Variants in PLEKHG1 observed in about 807,000 individuals in gnomAD.
The protein encoded by PLEKHG1 is pleckstrin homology and RhoGEF domain containing G1.
In PLEKHG1, 44 loss-of-function variants were observed where a neutral mutation model predicts 100.8. The observed-to-expected ratio is 0.44, with a 90% CI of 0.34 to 0.56. The LOEUF is 0.56. PLEKHG1 is among the 20% of genes least tolerant of loss of function. The pLI, the probability that PLEKHG1 is intolerant of heterozygous loss-of-function variation, is 0.01. For synonymous variants in PLEKHG1, 640 were observed against 662.5 expected (o/e 0.97, Z 0.52); for missense variants, 1,545 against 1,720.9 (o/e 0.90, Z 1.81).
chr6:150,715,909 C>T (rs1347279517), intron 3 of PLEKHG1, among the ~76,000 whole-genome samples: 2 of 147,484 alleles, frequency 1.4e-5, no homozygotes, highest in African/African-American at 4.9e-5. Context: ...GAGATCGAGA[C>T]CATCCTGGCT....
chr6:150,662,137 A>G (rs2128580619), intron 3 of PLEKHG1, among the ~76,000 whole-genome samples: 1 of 152,232 alleles, frequency 6.6e-6, no homozygotes, highest in Admixed American at 6.5e-5. Context: ...AGGTTGAAGG[A>G]GAGAAGGCAG....
At chr6:150,789,043 A>G (rs1785809785) in intron 4 of PLEKHG1, among the ~76,000 whole-genome samples, 1 of 152,208 alleles carries the variant, frequency 6.6e-6, no homozygotes. Context: ...TGTCCAGTGA[A>G]AACTTCTCAG....
chr6:150,842,568 C>T (rs1447490938), exon 16 of PLEKHG1: 1 of 152,296 alleles, frequency 6.6e-6, no homozygotes, highest in East Asian at 1.9e-4. Flanking sequence ...GTATTCTTCT[C>T]ATAGCTTATA....
chr6:150,735,624 C>T (rs185889658), intron 2 of PLEKHG1, among the ~76,000 whole-genome samples: 34 of 152,232 alleles, frequency 2.2e-4, no homozygotes, highest in Admixed American at 2.0e-4. Context: ...ATAAAGTAGG[C>T]CTGTTTTTTA....
chr6:150,804,044 T>C (rs1303119313), intron 6 of PLEKHG1, among the ~76,000 whole-genome samples: 2 of 148,942 alleles, frequency 1.3e-5, no homozygotes, highest in Non-Finnish European at 3.0e-5. Context: ...GGAATCCTAT[T>C]CCACTTTTAT....
intron 2 of PLEKHG1, among the ~76,000 whole-genome samples, chr6:150,756,432 G>A (rs1783843533): frequency 6.6e-6 from 1 of 152,176 alleles, no homozygotes; most frequent in South Asian, 2.1e-4. Flanking sequence ...GATACAATGA[G>A]CGGAATAACT....
intron 3 of PLEKHG1, among the ~76,000 whole-genome samples, chr6:150,675,829 T>G (rs1234301040): frequency 6.6e-6 from 1 of 152,242 alleles, no homozygotes; most frequent in East Asian, 1.9e-4. Context: ...GCATGAGGAT[T>G]ATTTAAATCT....
intron 1 of PLEKHG1, among the ~76,000 whole-genome samples, chr6:150,723,287 A>G (rs962664602): frequency 1.3e-5 from 2 of 152,210 alleles, no homozygotes; most frequent in African/African-American, 2.4e-5. Flanking sequence ...TCTGACCAAA[A>G]GGGAGTATTA....
At chr6:150,761,966 G>T (rs980737241) in intron 2 of PLEKHG1, among the ~76,000 whole-genome samples, 1 of 152,104 alleles carries the variant, frequency 6.6e-6, no homozygotes, top group Non-Finnish European at 1.5e-5. Flanking sequence ...CTGAACAGGC[G>T]CATGTATCAT....
intron 3 of PLEKHG1, among the ~76,000 whole-genome samples, chr6:150,679,248 A>G (rs1016967838): frequency 3.3e-5 from 5 of 152,212 alleles, no homozygotes; most frequent in African/African-American, 1.2e-4. Context: ...AGCTTTTAAT[A>G]TAATTTAACG....
intron 2 of PLEKHG1, among the ~76,000 whole-genome samples, chr6:150,645,284 T>C (rs956960843): frequency 6.6e-6 from 1 of 152,190 alleles, no homozygotes; most frequent in East Asian, 1.9e-4. Flanking sequence ...TGAAAATGCA[T>C]CCTTGCCTCA....
intron 15 of PLEKHG1, among the ~76,000 whole-genome samples, chr6:150,834,771 C>A (rs1167218450): frequency 6.6e-6 from 1 of 152,128 alleles, no homozygotes; most frequent in East Asian, 1.9e-4. Flanking sequence ...TCGACGTTCT[C>A]CCCAGCAAGG....
intron 3 of PLEKHG1, among the ~76,000 whole-genome samples, chr6:150,687,975 A>G (rs139403209): frequency 6.6e-6 from 1 of 152,290 alleles, no homozygotes; most frequent in African/African-American, 2.4e-5. Flanking sequence ...TATATTCAAG[A>G]AGAGTCCAGC....
At chr6:150,681,374 T>A (rs1044750839) in intron 3 of PLEKHG1, among the ~76,000 whole-genome samples, 3 of 151,990 alleles carry the variant, frequency 2.0e-5, no homozygotes, top group African/African-American at 7.3e-5. Flanking sequence ...TAGCTGGGCG[T>A]GGTGGCGTGT....
chr6:150,817,744 G>A (rs1776058075), intron 10 of PLEKHG1, among the ~76,000 whole-genome samples: 1 of 151,952 alleles, frequency 6.6e-6, no homozygotes, highest in African/African-American at 2.4e-5. Context: ...TTTTAGTAGA[G>A]ACGGGGTTTC....
intron 1 of PLEKHG1, among the ~76,000 whole-genome samples, chr6:150,637,766 A>G (rs1778071619): frequency 6.6e-6 from 1 of 152,064 alleles, no homozygotes; most frequent in Admixed American, 6.6e-5. Context: ...TCTTTTTGTC[A>G]TCGGTCCTTT....
intron 1 of PLEKHG1, among the ~76,000 whole-genome samples, chr6:150,627,627 C>T (rs1027653612): frequency 2.0e-5 from 3 of 151,950 alleles, no homozygotes; most frequent in Non-Finnish European, 2.9e-5. Flanking sequence ...TTTACTAGTC[C>T]GCAAGCAGGA....
intron 14 of PLEKHG1, chr6:150,827,735 A>T: frequency 1.5e-6 from 2 of 1,360,062 alleles, no homozygotes; most frequent in Non-Finnish European, 2.1e-6. Flanking sequence ...CGCCAAGGAA[A>T]GAATTGGAAG....
chr6:150,669,094 G>A (rs1227136289), intron 3 of PLEKHG1, among the ~76,000 whole-genome samples: 1 of 152,116 alleles, frequency 6.6e-6, no homozygotes, highest in African/African-American at 2.4e-5. Context: ...CCTAAAATAA[G>A]ATCCCTGTAA....
Sources: allele counts gnomAD v4.1 joint callset (sites outside exome capture counted in the v4.1 genomes callset), GRCh38; gene constraint gnomAD v4.1.1; transcripts MANE v1.5; gene names NCBI Gene and HGNC (gene_info 2026-07-23, HGNC 2026-07-21).